Variants in ABCD2 observed in about 807,000 individuals in gnomAD.
The protein encoded by ABCD2 is ATP binding cassette subfamily D member 2.
A neutral mutation model predicts 70.9 loss-of-function variants in ABCD2; 36 were observed. The observed-to-expected ratio is 0.51, with a 90% confidence interval of 0.39 to 0.67. ABCD2 has a LOEUF of 0.67. ABCD2 is among the 30% of genes least tolerant of loss of function. ABCD2 has a pLI of 0.00. For synonymous variants in ABCD2, 304 were observed against 306.9 expected (o/e 0.99, Z 0.10); for missense variants, 729 against 890.2 (o/e 0.82, Z 2.30).
At chr12:39,582,743 T>C (rs1000330226) in intron 7 of ABCD2, among the ~76,000 whole-genome samples, 3 of 152,224 alleles carry the variant, frequency 2.0e-5, no homozygotes, top group Non-Finnish European at 4.4e-5. Flanking sequence ...ATTTGTTTAT[T>C]GTAAGGATCA....
At chr12:39,548,403 C>T (rs990129655), downstream of ABCD2, among the ~76,000 whole-genome samples, 1 of 152,036 alleles carries the variant, frequency 6.6e-6, no homozygotes, top group African/African-American at 2.4e-5. Context: ...ACATTAACCT[C>T]ATTTATCTAT....
In ABCD2 at chr12:39,577,412, C is replaced by G. The variant is rs76530241; in HGVS notation, c.1877+2123G>C. Reference sequence around the variant, plus strand: ...ATAAAGGACCCCTACCTAGATTTACCTGATAAGGTAGCAATGAGGTAAATC... The same window carrying G: ...ATAAAGGACCCCTACCTAGATTTACGTGATAAGGTAGCAATGAGGTAAATC... On this transcript the variant is annotated intron_variant, in intron 8 of 9. Transcript: ENST00000308666. Among the ~76,000 whole-genome samples the G allele has an allele frequency of 6.4e-3, 978 of 152,204 alleles. 7 individuals are homozygous for G. The highest frequency in any genetic ancestry group is 0.023 in the African/African-American group (938 of 41,518).
downstream of ABCD2, among the ~76,000 whole-genome samples, chr12:39,545,620 CTAT>C (rs1225703417): frequency 6.6e-6 from 1 of 152,084 alleles, no homozygotes; most frequent in African/African-American, 2.4e-5. Context: ...CTAACAGGCT[CTAT>C]TATTGGTGAA....
At chr12:39,570,972 A>G (rs187900385) in intron 9 of ABCD2, among the ~76,000 whole-genome samples, 1 of 152,316 alleles carries the variant, frequency 6.6e-6, no homozygotes, top group African/African-American at 2.4e-5. Context: ...ATACACACAA[A>G]TGACAAACAG....
At chr12:39,540,853 C>CT in the ABCD2 span, among the ~76,000 whole-genome samples, 1 of 152,228 alleles carries the variant, frequency 6.6e-6, no homozygotes, top group African/African-American at 2.4e-5. Context: ...CTTAAATGTA[C>CT]TTGATTGATG....
At chr12:39,559,509 T>G (rs1031128580) in intron 9 of ABCD2, among the ~76,000 whole-genome samples, 2 of 151,192 alleles carry the variant, frequency 1.3e-5, no homozygotes, top group Admixed American at 6.6e-5. Flanking sequence ...TGGAGACATA[T>G]AACTATCTAG....
At chr12:39,545,193 G>A (rs1046173320), downstream of ABCD2, among the ~76,000 whole-genome samples, 1 of 152,176 alleles carries the variant, frequency 6.6e-6, no homozygotes, top group African/African-American at 2.4e-5. Flanking sequence ...TTTGCATGAA[G>A]TGCAGCAAGA....
the ABCD2 span, among the ~76,000 whole-genome samples, chr12:39,542,822 C>T: frequency 3.3e-5 from 5 of 152,042 alleles, no homozygotes; most frequent in Admixed American, 3.3e-4. Flanking sequence ...TGTAAAGGGT[C>T]AGCCAATGAT....
the ABCD2 span, among the ~76,000 whole-genome samples, chr12:39,543,124 T>G: frequency 1.3e-5 from 2 of 152,210 alleles, no homozygotes; most frequent in African/African-American, 4.8e-5. Context: ...ATCAGTATAG[T>G]TTTTGACTTA....
the ABCD2 span, among the ~76,000 whole-genome samples, chr12:39,537,431 ATTAAAATGATGTCT>A: frequency 6.6e-6 from 1 of 152,248 alleles, no homozygotes; most frequent in Non-Finnish European, 1.5e-5. Flanking sequence ...TCATAAAATC[ATTAAAATGATGTCT>A]GAAATGTTTA....
At chr12:39,563,857 A>G (rs1435292190) in intron 9 of ABCD2, among the ~76,000 whole-genome samples, 3 of 152,142 alleles carry the variant, frequency 2.0e-5, no homozygotes, top group East Asian at 1.9e-4. Context: ...ATTCACACCT[A>G]TGAGTGAGAA....
chr12:39,582,646 C>CCA (rs577323464), intron 7 of ABCD2, among the ~76,000 whole-genome samples: 62 of 152,238 alleles, frequency 4.1e-4, no homozygotes, highest in Middle Eastern at 3.4e-3. Context: ...AAGGAGTTGA[C>CCA]CACATGAAAC....
At chr12:39,545,649 G>A (rs965964804), downstream of ABCD2, among the ~76,000 whole-genome samples, 3 of 152,308 alleles carry the variant, frequency 2.0e-5, no homozygotes, top group East Asian at 3.9e-4. Flanking sequence ...GCTTTCTGCT[G>A]TGAATTGACC....
intron 9 of ABCD2, among the ~76,000 whole-genome samples, chr12:39,569,429 C>T (rs970326883): frequency 2.0e-5 from 3 of 152,214 alleles, no homozygotes; most frequent in Non-Finnish European, 1.5e-5. Flanking sequence ...CCGAGCCAGG[C>T]ACGGGATATA....
intron 7 of ABCD2, among the ~76,000 whole-genome samples, chr12:39,581,331 G>T (rs1941592952): frequency 6.6e-6 from 1 of 152,060 alleles, no homozygotes; most frequent in Non-Finnish European, 1.5e-5. Flanking sequence ...AAAATATCTG[G>T]AGTGAAAAGG....
At chr12:39,603,221 ATTTCT>A (rs1039895367) in intron 5 of ABCD2, among the ~76,000 whole-genome samples, 1 of 152,070 alleles carries the variant, frequency 6.6e-6, no homozygotes, top group Non-Finnish European at 1.5e-5. Flanking sequence ...AAGTCAAATC[ATTTCT>A]TTGTTTGAAC....
chr12:39,597,161 T>C (rs1327183438), intron 6 of ABCD2, among the ~76,000 whole-genome samples: 1 of 152,172 alleles, frequency 6.6e-6, no homozygotes, highest in Admixed American at 6.5e-5. Context: ...GAAAGCAAGA[T>C]TTTACTCTGA....
intron 6 of ABCD2, among the ~76,000 whole-genome samples, chr12:39,590,818 GA>G (rs1941735487): frequency 6.6e-6 from 1 of 151,158 alleles, no homozygotes; most frequent in Non-Finnish European, 1.5e-5. Context: ...TATTCTCTAA[GA>G]CAAAGCTAGA....
At chr12:39,544,009 G>A in the ABCD2 span, among the ~76,000 whole-genome samples, 2 of 152,148 alleles carry the variant, frequency 1.3e-5, no homozygotes, top group African/African-American at 4.8e-5. Flanking sequence ...CATCAAGACA[G>A]GGAAATTGCA....
Sources: gnomAD v4.1 joint callset for allele counts (sites outside exome capture counted in the v4.1 genomes callset) on GRCh38, gnomAD v4.1.1 for gene constraint, MANE v1.5 for transcripts, NCBI Gene and HGNC (gene_info 2026-07-23, HGNC 2026-07-21) for gene names.